SUPT3H: variants seen among roughly 807,000 people sequenced by gnomAD.
SUPT3H encodes the protein SPT3 homolog, SAGA and STAGA complex component, also known as transcription initiation protein SPT3 homolog.
In SUPT3H, 44 loss-of-function variants were observed where a neutral mutation model predicts 44.3. That is an observed-to-expected ratio of 0.99 (90% CI 0.78 to 1.28). SUPT3H has a LOEUF of 1.28. Ranked by LOEUF, SUPT3H falls within the 50% of genes most tolerant of loss-of-function variation. The pLI is 0.00. For missense variants in SUPT3H, 380 were observed against 387.1 expected (o/e 0.98, Z 0.15); for synonymous variants, 124 against 125.6 (o/e 0.99, Z 0.09).
chr6:44,898,219 A>G (rs910223939), intron 10 of SUPT3H, among the ~76,000 whole-genome samples: 1 of 152,166 alleles, frequency 6.6e-6, no homozygotes, highest in African/African-American at 2.4e-5. Flanking sequence ...GTACCTGACA[A>G]TTCTTGCCTC....
chr6:44,949,896 C>A (rs997242287), intron 9 of SUPT3H, among the ~76,000 whole-genome samples: 1 of 152,190 alleles, frequency 6.6e-6, no homozygotes, highest in African/African-American at 2.4e-5. Flanking sequence ...AAACCAAACA[C>A]ATGCCTAACT....
At chr6:45,319,810 T>C (rs1281208986) in intron 2 of SUPT3H, among the ~76,000 whole-genome samples, 2 of 152,202 alleles carry the variant, frequency 1.3e-5, no homozygotes, top group African/African-American at 4.8e-5. Flanking sequence ...TAGTTGATCA[T>C]AGTTGTTACT....
intron 5 of SUPT3H, among the ~76,000 whole-genome samples, chr6:45,011,910 T>C (rs1433152370): frequency 6.6e-6 from 1 of 152,064 alleles, no homozygotes; most frequent in Non-Finnish European, 1.5e-5. Flanking sequence ...GAATGTATTT[T>C]GCATTCATTT....
At chr6:45,313,288 A>G (rs1784232577) in intron 2 of SUPT3H, among the ~76,000 whole-genome samples, 2 of 152,126 alleles carry the variant, frequency 1.3e-5, no homozygotes, top group South Asian at 4.2e-4. Flanking sequence ...ATAAGAGCAG[A>G]GCAGAACTAA....
At chr6:45,096,830 A>G (rs1797849162) in intron 3 of SUPT3H, among the ~76,000 whole-genome samples, 1 of 152,132 alleles carries the variant, frequency 6.6e-6, no homozygotes, top group African/African-American at 2.4e-5. Flanking sequence ...ATCAAAGTAT[A>G]TCATAATAAG....
At chr6:44,851,974 G>A (rs1345066754) in intron 10 of SUPT3H, among the ~76,000 whole-genome samples, 3 of 152,136 alleles carry the variant, frequency 2.0e-5, no homozygotes, top group East Asian at 3.8e-4. Context: ...ATTTAAATAA[G>A]AGGGGCCCCA....
intron 2 of SUPT3H, among the ~76,000 whole-genome samples, chr6:45,193,637 AC>A (rs1815512402): frequency 6.6e-6 from 1 of 151,890 alleles, no homozygotes; most frequent in South Asian, 2.1e-4. Context: ...AATCGCTTGA[AC>A]CCGGGAGGCA....
At chr6:44,960,398 C>A (rs13203495) in intron 7 of SUPT3H, among the ~76,000 whole-genome samples, 64,281 of 136,704 alleles carry the variant, frequency 0.47, 15,056 homozygotes, top group Middle Eastern at 0.58. Context: ...CCAGACTGGG[C>A]AACAGAGTGA....
In SUPT3H at chr6:45,226,098, G is replaced by A. The variant is rs535907790; in HGVS notation, c.102-120092C>T. On this transcript the variant is annotated intron_variant, in intron 2 of 10. Transcript: ENST00000371459. ...GCACTTACAATGTGTCAAGTAGTGTGCCCTTTACATTTATCAGTGAATTTA... is the reference window on the plus strand; with the variant it reads ...GCACTTACAATGTGTCAAGTAGTGTACCCTTTACATTTATCAGTGAATTTA... 5.3e-5 allele frequency among the ~76,000 whole-genome samples: 8 copies of A among 152,230 alleles called. No individual in the cohort carries two copies. The South Asian group carries it at 1.5e-3, about 28-fold the overall frequency.
At chr6:45,288,949 A>T (rs1286261999) in intron 2 of SUPT3H, among the ~76,000 whole-genome samples, 3 of 151,996 alleles carry the variant, frequency 2.0e-5, no homozygotes, top group Non-Finnish European at 4.4e-5. Context: ...CACATTCTAC[A>T]TTTGATACAG....
chr6:45,283,780 T>C (rs757921414), intron 2 of SUPT3H, among the ~76,000 whole-genome samples: 4 of 151,782 alleles, frequency 2.6e-5, no homozygotes, highest in South Asian at 2.1e-4. Context: ...CAACAGAATA[T>C]ACATTCTTTT....
chr6:45,297,145 G>C (rs375249067), intron 2 of SUPT3H, among the ~76,000 whole-genome samples: 105 of 151,018 alleles, frequency 7.0e-4, no homozygotes, highest in African/African-American at 2.5e-3. Context: ...AGTAAAGCCA[G>C]GTTTCAGACA....
chr6:44,894,633 T>C (rs1763834477), intron 10 of SUPT3H, among the ~76,000 whole-genome samples: 1 of 152,190 alleles, frequency 6.6e-6, no homozygotes, highest in Non-Finnish European at 1.5e-5. Flanking sequence ...AGCCTTGTAG[T>C]ATAGTTTGAA....
intron 3 of SUPT3H, among the ~76,000 whole-genome samples, chr6:45,082,391 A>C (rs1348084379): frequency 6.6e-6 from 1 of 152,214 alleles, no homozygotes; most frequent in East Asian, 1.9e-4. Flanking sequence ...AGACACAAAA[A>C]TCATTAACAA....
intron 2 of SUPT3H, among the ~76,000 whole-genome samples, chr6:45,202,554 A>C (rs778841672): frequency 4.6e-5 from 7 of 152,086 alleles, no homozygotes; most frequent in Non-Finnish European, 4.4e-5. Context: ...TGTATAACGT[A>C]GTCAAATATC....
chr6:45,079,077 G>A (rs1381765408), intron 3 of SUPT3H, among the ~76,000 whole-genome samples: 4 of 152,096 alleles, frequency 2.6e-5, no homozygotes, highest in South Asian at 2.1e-4. Context: ...TTGGGAGGCC[G>A]AGGCTGGTGG....
intron 2 of SUPT3H, among the ~76,000 whole-genome samples, chr6:45,192,048 C>T (rs1815230674): frequency 6.6e-6 from 1 of 152,126 alleles, no homozygotes; most frequent in South Asian, 2.1e-4. Flanking sequence ...AAAAGGGCAA[C>T]ATTAGTTCAC....
At chr6:45,304,892 T>C (rs938353776) in intron 2 of SUPT3H, among the ~76,000 whole-genome samples, 3 of 152,022 alleles carry the variant, frequency 2.0e-5, no homozygotes, top group African/African-American at 7.2e-5. Flanking sequence ...AGAACACAAA[T>C]AGAAGAAATC....
intron 10 of SUPT3H, among the ~76,000 whole-genome samples, chr6:44,870,766 A>AGTGGGCGCAGGCCAGTGT (rs1399063243): frequency 2.0e-5 from 3 of 150,512 alleles, no homozygotes. Flanking sequence ...AGTGCCAGAG[A>AGTGGGCGCAGGCCAGTGT]GTGGGCGCAG....
Sources: allele counts gnomAD v4.1 joint callset (sites outside exome capture counted in the v4.1 genomes callset), GRCh38; gene constraint gnomAD v4.1.1; transcripts MANE v1.5; gene names NCBI Gene and HGNC (gene_info 2026-07-23, HGNC 2026-07-21).